The following MST1R variants were observed in gnomAD, a reference collection of about 807,000 sequenced individuals.
The protein encoded by MST1R is macrophage-stimulating protein receptor.
MST1R carries 99 observed loss-of-function variants against 117.8 expected under a neutral mutation model. The observed-to-expected ratio is 0.84, with a 90% CI of 0.71 to 0.99. The LOEUF (loss-of-function observed/expected upper bound fraction) is 0.99, where lower values mean the gene tolerates loss of function less well. MST1R is among the 50% of genes least tolerant of loss of function. The probability of loss-of-function intolerance (pLI) is 0.00; values close to 1 mark genes in which losing one functional copy is unlikely to be tolerated. For synonymous variants in MST1R, 734 were observed against 765.3 expected, an observed-to-expected ratio of 0.96 and a Z score of 0.68; for missense variants, 1,683 against 1,840.2, an observed-to-expected ratio of 0.91 and a Z score of 1.56.
intron 14 of MST1R, among the ~76,000 whole-genome samples, chr3:49,892,502 G>A (rs906119243): frequency 1.1e-4 from 17 of 151,654 alleles, no homozygotes; most frequent in African/African-American, 1.7e-4. Flanking sequence ...ACTCCAGCCT[G>A]AGAGACAGGG....
At position 49,898,913 on chromosome 3, in the gene MST1R, T is replaced by C. The variant is rs1299694918; in HGVS notation, c.1502A>G (p.Asp501Gly). ...TAGGTGGTCCCCAAGACGACTGACA[T>C]CCCGCTGCACGGGCTGCCCACTGTC... ...LGDSGQPVQRDVSRLGDHLLF... is the reference protein window; with the variant it reads ...LGDSGQPVQRGVSRLGDHLLF... The change falls in exon 3 of 20, where the codon GAT becomes GGT. Residue 501 changes from aspartate (D) to glycine (G), a missense_variant. Transcript: ENST00000296474. 6.2e-7 allele frequency: 1 copy of C among 1,614,002 alleles called. No homozygotes were observed. Among genetic ancestry groups the C allele is most frequent in the East Asian group, 2.2e-5 (1 of 44,892 alleles).
chr3:49,903,544 C>T lies in MST1R; in HGVS notation c.66G>A (p.Ala22=), dbSNP rs775921645. Residue 22 remains alanine, a synonymous_variant, in exon 1 of 20, where the codon GCG becomes GCA. Coordinates refer to ENST00000296474, the MANE Select transcript of MST1R (RefSeq NM_002447.4). ...LLLLLLPAKP[A]AGEDWQCPRT... Reference sequence around the variant, plus strand: ...GCGGGCACTGCCAGTCCTCGCCCGCCGCGGGCTTGGCAGGCAACAGCAGCA... The same window carrying T: ...GCGGGCACTGCCAGTCCTCGCCCGCTGCGGGCTTGGCAGGCAACAGCAGCA... 6 of 1,598,972 alleles carry T rather than the reference C, an allele frequency of 3.8e-6. No individual in the cohort carries two copies. The South Asian group carries it at 5.5e-5, about 15-fold the overall frequency.
Position 49,903,039 on chromosome 3 carries a change from G to A in MST1R, c.571C>T (p.Gln191Ter). 1.2e-6 allele frequency: 2 copies of A among 1,611,918 alleles called. No homozygotes were observed. Among genetic ancestry groups the A allele is most frequent in the Non-Finnish European group, 1.7e-6 (2 of 1,180,040 alleles). ...ACGTAGAAATAGGAGGCCTGGCCTT[G>A]CTCAACCACAGTTACACGGGTGCCC... ...PLGTRVTVVEQGQASYFYVAS... is the reference protein window; with the variant it reads ...PLGTRVTVVE The change falls in exon 1 of 20, where the codon CAA (glutamine) becomes TAA (stop). Residue 191 changes from glutamine (Q) to a stop codon, truncating the protein, a stop_gained. Transcript: ENST00000296474. LOFTEE classifies it high-confidence loss of function.
rs372578503 is a variant in MST1R at position 49,896,035 on chromosome 3, C to T, written c.2722G>A (p.Glu908Lys). 32 of 1,607,580 alleles carry T rather than the reference C, an allele frequency of 2.0e-5. No individual in the cohort carries two copies. The highest frequency in any genetic ancestry group is 1.3e-4 in the Admixed American group (8 of 59,650). Residue 908 changes from glutamate to lysine, a missense_variant, in exon 11 of 20, where the codon GAG becomes AAG. By Grantham distance (56) the Glu-to-Lys change is moderately conservative (BLOSUM62 1). Coordinates refer to ENST00000296474, the MANE Select transcript of MST1R (RefSeq NM_002447.4). ...VTVGGESCQH[E>K]FRGDMVVCPL... ...CAGACAACCATGTCCCCCCGGAACT[C>T]GTGCTGGCAGCTCTCACCACCCACG...
At position 49,896,005 on chromosome 3, in the gene MST1R, G is replaced by C. The variant is rs771689201; in HGVS notation, c.2752C>G (p.Leu918Val). ...EFRGDMVVCP[L>V]PPSLQLGQDG... ...TGGCCAAGCTGCAGGGATGGGGGCA[G>C]GGGGCAGACAACCATGTCCCCCCGG... The change falls in exon 11 of 20, where the codon CTG becomes GTG. Residue 918 changes from leucine (L) to valine (V), a missense_variant. Transcript: ENST00000296474. The C allele has an allele frequency of 6.3e-7, 1 of 1,594,904 alleles. No individual in the cohort carries two copies. Among genetic ancestry groups the C allele is most frequent in the East Asian group, 2.2e-5 (1 of 44,758 alleles).
rs1575427194 is a variant in MST1R at position 49,891,895 on chromosome 3, C to A, written c.3272-57G>T. 3 of 1,458,414 alleles carry A rather than the reference C, an allele frequency of 2.1e-6. No homozygotes were observed. In the East Asian group the frequency reaches 6.8e-5, roughly 33 times the overall value. The allele number at this position is 1,458,414 out of a possible 1,614,324, so 90.3% of individuals were successfully genotyped here. ...GGGGATCCAGGGCCCAAGGCTCACA[C>A]CACACATTCTCATTGGCAACCAGAC... On this transcript the variant is annotated intron_variant, in intron 14 of 19. Coordinates refer to ENST00000296474, the MANE Select transcript of MST1R (RefSeq NM_002447.4).
intron 14 of MST1R, 52 bp downstream of exon 14, chr3:49,895,115 C>T: frequency 6.2e-7 from 1 of 1,602,928 alleles, no homozygotes; most frequent in South Asian, 1.1e-5. Context: ...CTGGCCTAGC[C>T]TATGTCATCT....
chr3:49,900,096 T>A (rs1279688887), intron 1 of MST1R, among the ~76,000 whole-genome samples: 5 of 151,908 alleles, frequency 3.3e-5, no homozygotes, highest in Non-Finnish European at 7.4e-5. Context: ...AATGCTGGAG[T>A]TAATTGGCCA....
intron 12 of MST1R, 53 bp downstream of exon 12, chr3:49,895,662 G>T (rs151092259): frequency 6.2e-7 from 1 of 1,612,458 alleles, no homozygotes; most frequent in Non-Finnish European, 8.5e-7. Flanking sequence ...GGGACTTGAA[G>T]ATGCCATTGG....
chr3:49,896,987 A>T, intron 7 of MST1R, 97 bp from the exon 8 acceptor site: 1 of 1,371,206 alleles, frequency 7.3e-7, no homozygotes, highest in Non-Finnish European at 9.7e-7. Flanking sequence ...TTCGTCTGTT[A>T]TCTCTCCCAC....
In MST1R at chr3:49,895,378, G is replaced by C; in HGVS notation, c.3065-5C>G. 1.2e-6 allele frequency: 2 copies of C among 1,614,224 alleles called. No individual in the cohort carries two copies. The highest frequency in any genetic ancestry group is 2.2e-5 in the East Asian group (1 of 44,886). On this transcript the variant is annotated splice_region_variant and splice_polypyrimidine_tract_variant and intron_variant, in intron 13 of 19. Coordinates refer to ENST00000296474, the MANE Select transcript of MST1R (RefSeq NM_002447.4). ...GACCATCAATGGCAGGGAGTGCTGT[G>C]GGGAGAGGGAATGAGGAGCTTGTAG...
intron 1 of MST1R, 54 bp downstream of exon 1, chr3:49,902,326 G>T (rs2082705962): frequency 6.4e-7 from 1 of 1,567,134 alleles, no homozygotes; most frequent in East Asian, 2.2e-5. Context: ...GAAGCAGCCT[G>T]TGTTCAGCCA....
chr3:49,896,303 A>T lies in MST1R; in HGVS notation c.2541T>A (p.Asp847Glu). 1 of 1,614,002 alleles carries T rather than the reference A, an allele frequency of 6.2e-7. No individual in the cohort carries two copies. Among genetic ancestry groups the T allele is most frequent in the Non-Finnish European group, 8.5e-7 (1 of 1,179,936 alleles). ...CAGGCAGTGTAAAGCCAGCAGCTCC[A>T]TCCCCTCGGGCACTCAGATTCCCTG... ...WVAGNLSARG[D>E]GAAGFTLPGF... Residue 847 changes from aspartate (D) to glutamate (E), a missense_variant, in exon 10 of 20, where the codon GAT becomes GAA. Physicochemically the swap from Asp to Glu is conservative, Grantham distance 45. Transcript: ENST00000296474.
In MST1R at chr3:49,896,765, G is replaced by A; in HGVS notation, c.2309C>T (p.Pro770Leu). The A allele has an allele frequency of 1.9e-6, 3 of 1,579,680 alleles. No individual in the cohort carries two copies. The highest frequency in any genetic ancestry group is 2.6e-6 in the Non-Finnish European group (3 of 1,161,304). ...GSWTFQYREDPVVLSISPNCG... is the reference protein window; with the variant it reads ...GSWTFQYREDLVVLSISPNCG... The stretch of plus-strand genomic sequence containing the variant: ...GTTGGGGCTGATGCTTAGCACGACA[G>A]GGTCTTCTCTGTACTGGAAGGTCCA... The change falls in exon 8 of 20, where the codon CCT becomes CTT. Residue 770 changes from proline to leucine, a missense_variant. Coordinates refer to ENST00000296474, the MANE Select transcript of MST1R (RefSeq NM_002447.4).
At chr3:49,901,775 G>C (rs971804369) in intron 1 of MST1R, among the ~76,000 whole-genome samples, 1 of 151,674 alleles carries the variant, frequency 6.6e-6, no homozygotes, top group Non-Finnish European at 1.5e-5. Flanking sequence ...GGGGGTGGGT[G>C]GGGGGAGGGG....
In MST1R at chr3:49,903,564, G is replaced by A. The variant is rs2082768362; in HGVS notation, c.46C>T (p.Leu16=). 6.3e-7 allele frequency: 1 copy of A among 1,590,178 alleles called. No individual in the cohort carries two copies. Among genetic ancestry groups the A allele is most frequent in the Non-Finnish European group, 8.5e-7 (1 of 1,173,436 alleles). The change falls in exon 1 of 20, where the codon CTG becomes TTG. Residue 16 remains leucine, a synonymous_variant. Coordinates refer to ENST00000296474, the MANE Select transcript of MST1R (RefSeq NM_002447.4). The part of the protein sequence containing the change: ...PLPQSFLLLL[L]LPAKPAAGED... ...CCCGCCGCGGGCTTGGCAGGCAACA[G>A]CAGCAGCAACAGGAAGGACTGAGGC...
chr3:49,891,861 T>C (rs1360811210), intron 14 of MST1R, 23 bp from the exon 15 acceptor site: 4 of 1,610,092 alleles, frequency 2.5e-6, no homozygotes, highest in East Asian at 4.5e-5. Flanking sequence ...GCATAATGAG[T>C]CGATGAGAGG....
Position 49,903,784 on chromosome 3 carries a change from G to T in MST1R, c.-175C>A. Reference sequence around the variant, plus strand: ...TCCTGTGAAACCCAAATCCCTTCCCGGCCCTCGGGTCTGAGCACCTGACGC... The same window carrying T: ...TCCTGTGAAACCCAAATCCCTTCCCTGCCCTCGGGTCTGAGCACCTGACGC... On this transcript the variant is annotated 5_prime_UTR_variant, in exon 1 of 20. Coordinates refer to ENST00000296474, the MANE Select transcript of MST1R (RefSeq NM_002447.4). 3.4e-6 allele frequency: 3 copies of T among 873,908 alleles called. No individual in the cohort carries two copies. Among genetic ancestry groups the T allele is most frequent in the Non-Finnish European group, 5.1e-6 (3 of 593,698 alleles). 54.1% of individuals were successfully genotyped at this position (873,908 alleles called of 1,614,324 possible).
chr3:49,903,362 G>A lies in MST1R; in HGVS notation c.248C>T (p.Pro83Leu). 1 of 1,613,914 alleles carries A rather than the reference G, an allele frequency of 6.2e-7. No homozygotes were observed. The highest frequency in any genetic ancestry group is 8.5e-7 in the Non-Finnish European group (1 of 1,180,028). ...CAGGCTCTGGACAGACTTCAGGTCA[G>A]GCCCAAGCACATGCAGGCGATTGCG... ...AIRNRLHVLGPDLKSVQSLAT... is the reference protein window; with the variant it reads ...AIRNRLHVLGLDLKSVQSLAT... Residue 83 changes from proline to leucine, a missense_variant, in exon 1 of 20, where the codon CCT (proline) becomes CTT (leucine). Transcript: ENST00000296474.
Sources: gnomAD v4.1 joint callset for allele counts (sites outside exome capture counted in the v4.1 genomes callset) on GRCh38, gnomAD v4.1.1 for gene constraint, MANE v1.5 for transcripts, NCBI Gene and HGNC (gene_info 2026-07-23, HGNC 2026-07-21) for gene names.